Variants in ARID4B observed in about 807,000 individuals in gnomAD.
The protein encoded by ARID4B is AT-rich interaction domain 4B.
Under a neutral mutation model 147.5 loss-of-function variants are expected in ARID4B, and 26 were observed. That is an observed-to-expected ratio of 0.18 (90% confidence interval 0.13 to 0.24). The LOEUF (loss-of-function observed/expected upper bound fraction) is 0.24, where lower values mean the gene tolerates loss of function less well. Among genes scored for constraint, ARID4B ranks in the 10% least tolerant of loss-of-function variants. The probability of loss-of-function intolerance (pLI) is 1.00; values close to 1 mark genes in which losing one functional copy is unlikely to be tolerated. For missense variants in ARID4B, 1,179 were observed against 1,511.5 expected (o/e 0.78, Z 3.65); for synonymous variants, 512 against 507.9 (o/e 1.01, Z -0.11).
intron 19 of ARID4B, among the ~76,000 whole-genome samples, chr1:235,189,681 G>A (rs1664950941): frequency 5.3e-5 from 8 of 151,918 alleles, no homozygotes; most frequent in Admixed American, 5.2e-4. Context: ...AGGACTGCTT[G>A]AGCCCAGAAG....
chr1:235,242,115 G>C (rs921795319), intron 7 of ARID4B, among the ~76,000 whole-genome samples: 3 of 152,004 alleles, frequency 2.0e-5, no homozygotes, highest in Non-Finnish European at 2.9e-5. Flanking sequence ...AGGCATGGTG[G>C]CGGGTGCCTG....
At chr1:235,205,828 A>C (rs1469066937) in intron 17 of ARID4B, among the ~76,000 whole-genome samples, 2 of 152,226 alleles carry the variant, frequency 1.3e-5, no homozygotes, top group Admixed American at 1.3e-4. Context: ...AATGCAAATC[A>C]AAAAAGCACA....
At chr1:235,260,608 AACAT>A in intron 3 of ARID4B, 30 bp downstream of exon 3, 1 of 1,466,504 alleles carries the variant, frequency 6.8e-7, no homozygotes, top group Non-Finnish European at 9.3e-7. Flanking sequence ...TCAAATGCTG[AACAT>A]ACAATTTATG....
At chr1:235,170,275 T>C (rs1663245702) in intron 23 of ARID4B, among the ~76,000 whole-genome samples, 1 of 152,220 alleles carries the variant, frequency 6.6e-6, no homozygotes, top group South Asian at 2.1e-4. Flanking sequence ...ACACTTACCA[T>C]GGCAGAGATA....
At chr1:235,251,068 T>C (rs1005904539) in intron 6 of ARID4B, among the ~76,000 whole-genome samples, 8 of 152,172 alleles carry the variant, frequency 5.3e-5, no homozygotes, top group Admixed American at 3.9e-4. Context: ...GCTGTCTGTA[T>C]TTATTGTATG....
chr1:235,302,123 T>G (rs568283258), intron 2 of ARID4B, among the ~76,000 whole-genome samples: 1 of 118,970 alleles, frequency 8.4e-6, no homozygotes, highest in African/African-American at 3.3e-5. Flanking sequence ...CATAAGCCAC[T>G]GTGCCTGGCT....
At position 235,175,166 on chromosome 1, in the gene ARID4B, A is replaced by G; in HGVS notation, c.3664+18T>C. ...TAGGATGAAGTTTGTATGCTTGTCAATTTAACATGTCACTTACACATCTGA... is the reference window on the plus strand; with the variant it reads ...TAGGATGAAGTTTGTATGCTTGTCAGTTTAACATGTCACTTACACATCTGA... On this transcript the variant is annotated intron_variant, in intron 22 of 23. Coordinates refer to ENST00000264183, the MANE Select transcript of ARID4B (RefSeq NM_016374.6). 2.5e-6 allele frequency: 4 copies of G among 1,600,446 alleles called. No homozygotes were observed. Among genetic ancestry groups the G allele is most frequent in the South Asian group, 2.2e-5 (2 of 90,618 alleles).
intron 17 of ARID4B, among the ~76,000 whole-genome samples, chr1:235,196,576 G>A (rs1176742825): frequency 6.6e-6 from 1 of 152,136 alleles, no homozygotes; most frequent in Admixed American, 6.6e-5. Context: ...ATTACAGCCA[G>A]GCACAGTGGC....
chr1:235,187,244 GCTAA>G (rs1311326852), intron 19 of ARID4B: 16 of 199,580 alleles, frequency 8.0e-5, no homozygotes, highest in Middle Eastern at 4.5e-3. Flanking sequence ...ACCACACCCG[GCTAA>G]CTGTTTTCTA....
chr1:235,313,739 G>C (rs938140890), intron 2 of ARID4B, among the ~76,000 whole-genome samples: 8 of 152,276 alleles, frequency 5.3e-5, no homozygotes, highest in Admixed American at 3.9e-4. Context: ...GAGAGGAGAT[G>C]TATTATATTT....
At chr1:235,252,666 G>T in intron 6 of ARID4B, 64 bp downstream of exon 6, 1 of 1,470,142 alleles carries the variant, frequency 6.8e-7, no homozygotes, top group Non-Finnish European at 9.4e-7. Flanking sequence ...AGTTGAGAAA[G>T]CAAAAATTTA....
At chr1:235,244,969 C>G (rs1232501361) in intron 7 of ARID4B, among the ~76,000 whole-genome samples, 1 of 152,138 alleles carries the variant, frequency 6.6e-6, no homozygotes, top group Non-Finnish European at 1.5e-5. Flanking sequence ...CTTAAAACGC[C>G]AAGCAAGAGT....
rs187130201 is a variant in ARID4B at position 235,204,254 on chromosome 1, G to A, written c.1842-8139C>T. Among the ~76,000 whole-genome samples the A allele has an allele frequency of 6.0e-3, 914 of 152,240 alleles. 14 individuals carry two copies. The highest frequency in any genetic ancestry group is 0.021 in the African/African-American group (869 of 41,564). ...GGAGAATTGCTTGAACCCAGAAGGC[G>A]GAGGTTGCAGTGAGCCAAGATCATG... On this transcript the variant is annotated intron_variant, in intron 17 of 23. Transcript: ENST00000264183.
intron 2 of ARID4B, among the ~76,000 whole-genome samples, chr1:235,302,449 TA>T (rs1307236423): frequency 6.6e-6 from 1 of 152,096 alleles, no homozygotes; most frequent in Non-Finnish European, 1.5e-5. Flanking sequence ...GATATAGTAT[TA>T]AAAAATGTAA....
chr1:235,306,780 A>G (rs1673598690), intron 2 of ARID4B, among the ~76,000 whole-genome samples: 1 of 152,018 alleles, frequency 6.6e-6, no homozygotes, highest in African/African-American at 2.4e-5. Context: ...CTCAGCTTCC[A>G]GAACAGCTGG....
intron 2 of ARID4B, among the ~76,000 whole-genome samples, chr1:235,300,756 C>A (rs1027171065): frequency 1.3e-5 from 2 of 152,054 alleles, no homozygotes; most frequent in African/African-American, 2.4e-5. Context: ...TGTAGCCAGG[C>A]TGAAGTGCAG....
At chr1:235,230,992 C>A (rs1668190092) in intron 10 of ARID4B, 121 bp downstream of exon 10, 4 of 658,808 alleles carry the variant, frequency 6.1e-6, no homozygotes, top group South Asian at 2.0e-5. Flanking sequence ...CACAAGGAAC[C>A]AAATATAACC....
intron 2 of ARID4B, among the ~76,000 whole-genome samples, chr1:235,313,450 G>A (rs1477680731): frequency 6.6e-6 from 1 of 151,872 alleles, no homozygotes; most frequent in African/African-American, 2.4e-5. Flanking sequence ...CTCCTCTCTG[G>A]AGTAGAGACT....
At chr1:235,258,245 T>A (rs1328798519) in intron 3 of ARID4B, among the ~76,000 whole-genome samples, 2 of 152,122 alleles carry the variant, frequency 1.3e-5, no homozygotes, top group Non-Finnish European at 2.9e-5. Context: ...GGCAGGAGAA[T>A]CACTTGAACC....
Sources: gnomAD v4.1 joint callset for allele counts (sites outside exome capture counted in the v4.1 genomes callset) on GRCh38, gnomAD v4.1.1 for gene constraint, MANE v1.5 for transcripts, NCBI Gene and HGNC (gene_info 2026-07-23, HGNC 2026-07-21) for gene names.